FOXO1: variants seen among roughly 807,000 people sequenced by gnomAD.
The protein encoded by FOXO1 is forkhead box O1.
A neutral mutation model predicts 44.1 loss-of-function variants in FOXO1; 6 were observed. The ratio of observed to expected loss-of-function variants is 0.14; its 90% confidence interval spans 0.07 to 0.27. The LOEUF is 0.27. Among genes scored for constraint, FOXO1 ranks in the 10% least tolerant of loss-of-function variants. The pLI is 1.00. For missense variants in FOXO1, 737 were observed against 888.8 expected, an observed-to-expected ratio of 0.83 and a Z score of 2.17; for synonymous variants, 380 against 362.7, an observed-to-expected ratio of 1.05 and a Z score of -0.54.
chr13:40,631,262 T>A (rs1338562193), intron 1 of FOXO1, among the ~76,000 whole-genome samples: 1 of 152,096 alleles, frequency 6.6e-6, no homozygotes, highest in Non-Finnish European at 1.5e-5. Context: ...TAGGGCCGCA[T>A]TCCATAAACT....
intron 1 of FOXO1, among the ~76,000 whole-genome samples, chr13:40,604,117 CT>C (rs1217434014): frequency 6.6e-6 from 1 of 151,296 alleles, no homozygotes; most frequent in Non-Finnish European, 1.5e-5. Flanking sequence ...TACAGAGTGG[CT>C]TTTTAACTGT....
intron 1 of FOXO1, among the ~76,000 whole-genome samples, chr13:40,578,515 T>TATC (rs1393879240): frequency 6.6e-6 from 1 of 152,144 alleles, no homozygotes; most frequent in Admixed American, 6.5e-5. Flanking sequence ...ACTGACTGTG[T>TATC]ATCAGCATCC....
intron 1 of FOXO1, among the ~76,000 whole-genome samples, chr13:40,603,266 G>C (rs1284533361): frequency 6.7e-6 from 1 of 148,594 alleles, no homozygotes; most frequent in Non-Finnish European, 1.5e-5. Flanking sequence ...GGCAGTCAAT[G>C]CTCTTAATGC....
chr13:40,620,259 T>G (rs181893253), intron 1 of FOXO1: 1 of 1,401,024 alleles, frequency 7.1e-7, no homozygotes, highest in South Asian at 1.2e-5. Flanking sequence ...CCGGAGAAAA[T>G]AGAGATCAGG....
intron 1 of FOXO1, among the ~76,000 whole-genome samples, chr13:40,604,461 C>T (rs1419151961): frequency 6.6e-6 from 1 of 151,312 alleles, no homozygotes; most frequent in African/African-American, 2.4e-5. Context: ...GGTTTATCTT[C>T]CCATGTGCTA....
intron 1 of FOXO1, among the ~76,000 whole-genome samples, chr13:40,609,268 T>C (rs1876139302): frequency 1.3e-5 from 2 of 152,170 alleles, no homozygotes; most frequent in Non-Finnish European, 2.9e-5. Context: ...GGGAGCCTAC[T>C]GCTTCTTTTT....
chr13:40,573,180 T>C (rs183889250), intron 1 of FOXO1, among the ~76,000 whole-genome samples: 6 of 152,298 alleles, frequency 3.9e-5, no homozygotes, highest in Admixed American at 3.3e-4. Flanking sequence ...CATGTCTGTT[T>C]GAAAACTCAG....
At chr13:40,585,343 G>GCGCGCACACACACACA (rs10623475) in intron 1 of FOXO1, among the ~76,000 whole-genome samples, 27 of 147,128 alleles carry the variant, frequency 1.8e-4, no homozygotes, top group African/African-American at 6.5e-4. Context: ...CTGCGCGCGC[G>GCGCGCACACACACACA]CACACACACA....
At chr13:40,614,062 G>C (rs902325479) in intron 1 of FOXO1, among the ~76,000 whole-genome samples, 1 of 152,266 alleles carries the variant, frequency 6.6e-6, no homozygotes, top group Admixed American at 6.5e-5. Flanking sequence ...AGAAGTTCTG[G>C]TTCCTGATTT....
At chr13:40,592,561 C>T (rs1875421596) in intron 1 of FOXO1, among the ~76,000 whole-genome samples, 1 of 152,234 alleles carries the variant, frequency 6.6e-6, no homozygotes, top group Non-Finnish European at 1.5e-5. Context: ...CAATTCTCCT[C>T]TCCTGCCTCT....
Position 40,559,953 on chromosome 13 carries a change from T to C in FOXO1, c.1538A>G (p.His513Arg). ...VMSTYGSQAS[H>R]NKMMNPSSHT... is the part of the protein sequence containing the mutation. The stretch of plus-strand genomic sequence containing the variant: ...GGAGCTGGGATTCATCATTTTGTTA[T>C]GAGATGCCTGGCTGCCATAGGTTGA... Residue 513 changes from histidine to arginine, a missense_variant, in exon 2 of 3, where the codon CAT becomes CGT. Around this residue, in one of 7 missense-constraint regions of FOXO1, gnomAD observed 283 missense variants for 278.1 expected, o/e 1.02. Coordinates refer to ENST00000379561, the MANE Select transcript of FOXO1 (RefSeq NM_002015.4). 2 of 1,614,072 alleles carry C rather than the reference T, an allele frequency of 1.2e-6. No individual in the cohort carries two copies. The highest frequency in any genetic ancestry group is 1.1e-5 in the South Asian group (1 of 91,078).
At chr13:40,651,028 C>T (rs898540810) in intron 1 of FOXO1, among the ~76,000 whole-genome samples, 1 of 152,154 alleles carries the variant, frequency 6.6e-6, no homozygotes, top group African/African-American at 2.4e-5. Flanking sequence ...CAACCTCAGC[C>T]TCCCAAAGTG....
At chr13:40,568,761 C>T (rs904325899) in intron 1 of FOXO1, among the ~76,000 whole-genome samples, 20 of 152,138 alleles carry the variant, frequency 1.3e-4, no homozygotes, top group African/African-American at 3.1e-4. Context: ...ACTGCTACCC[C>T]CACTGTGCAG....
intron 1 of FOXO1, among the ~76,000 whole-genome samples, chr13:40,567,287 C>T (rs756652260): frequency 6.6e-6 from 1 of 151,868 alleles, no homozygotes. Context: ...CCTTAGATGG[C>T]CTTCATACCC....
chr13:40,621,752 A>C (rs939398478), intron 1 of FOXO1, among the ~76,000 whole-genome samples: 4 of 152,214 alleles, frequency 2.6e-5, no homozygotes, highest in Admixed American at 6.5e-5. Context: ...TATCTAAATA[A>C]GCTTTTCATT....
At chr13:40,656,623 T>C (rs370306545) in intron 1 of FOXO1, among the ~76,000 whole-genome samples, 98 of 152,356 alleles carry the variant, frequency 6.4e-4, no homozygotes, top group African/African-American at 2.3e-3. Context: ...TTGCATTCCA[T>C]AGGTCTCCAT....
At position 40,557,993 on chromosome 13, in the gene FOXO1, A is replaced by C. The variant is rs1237418113; in HGVS notation, c.*1056T>G. 2.6e-5 allele frequency: 4 copies of C among 152,632 alleles called. No homozygotes were observed. The highest frequency in any genetic ancestry group is 5.9e-5 in the Non-Finnish European group (4 of 68,050). 9.5% of individuals were successfully genotyped at this position (152,632 alleles called of 1,614,324 possible). ...AGAAACGCAAAGTGTCCATAACTAT[A>C]CATCACTTTCCTGCCCAACCAGGGC... On this transcript the variant is annotated 3_prime_UTR_variant, in exon 3 of 3. Transcript: ENST00000379561.
intron 1 of FOXO1, among the ~76,000 whole-genome samples, chr13:40,646,667 C>A (rs1877521045): frequency 6.6e-6 from 1 of 152,154 alleles, no homozygotes; most frequent in African/African-American, 2.4e-5. Flanking sequence ...AATCTCAGCT[C>A]ACTACAACCA....
At position 40,666,270 on chromosome 13, in the gene FOXO1, T is replaced by C. The variant is rs924865080; in HGVS notation, c.-58A>G. On this transcript the variant is annotated 5_prime_UTR_variant, in exon 1 of 3. Coordinates refer to ENST00000379561, the MANE Select transcript of FOXO1 (RefSeq NM_002015.4). ...AGCCAAGAGGGGGAGAACGCAGCACTGGGGGCGGACGGGGAGGGGGCGCGA... is the reference window on the plus strand; with the variant it reads ...AGCCAAGAGGGGGAGAACGCAGCACCGGGGGCGGACGGGGAGGGGGCGCGA... 1.6e-5 allele frequency: 21 copies of C among 1,305,376 alleles called. No homozygotes were observed. The highest frequency in any genetic ancestry group is 7.8e-5 in the African/African-American group (5 of 64,516). The allele number at this position is 1,305,376 out of a possible 1,614,324, so 80.9% of individuals were successfully genotyped here.
Sources: allele counts gnomAD v4.1 joint callset (sites outside exome capture counted in the v4.1 genomes callset), GRCh38; gene constraint gnomAD v4.1.1; regional missense constraint gnomAD v4.1.1; transcripts MANE v1.5; gene names NCBI Gene and HGNC (gene_info 2026-07-23, HGNC 2026-07-21).